The following OTC variants were observed in gnomAD, a reference collection of about 807,000 sequenced individuals.
The protein encoded by OTC is ornithine transcarbamylase.
In OTC, 3 loss-of-function variants were observed where a neutral mutation model predicts 30.3. That is an observed-to-expected ratio of 0.10 (90% CI 0.05 to 0.26). The LOEUF is 0.26. OTC is among the 10% of genes least tolerant of loss of function. The probability of loss-of-function intolerance (pLI) is 1.00; values close to 1 mark genes in which losing one functional copy is unlikely to be tolerated. For missense variants in OTC, 194 were observed against 260.3 expected (o/e 0.75, Z 1.75); for synonymous variants, 111 against 99.7 (o/e 1.11, Z -0.67).
At chrX:38,408,657 C>T (rs1181116146) in intron 6 of OTC, 85 bp from the exon 7 acceptor site, 25 of 617,717 alleles carry the variant, frequency 4.0e-5, no homozygotes, top group African/African-American at 2.1e-4. Context: ...GAAGGAGACG[C>T]GATATTGAAA....
intron 4 of OTC, among the ~76,000 whole-genome samples, chrX:38,385,779 T>G (rs2068399640): frequency 8.9e-6 from 1 of 111,886 alleles, no homozygotes; most frequent in Non-Finnish European, 1.9e-5. Context: ...CAAAATCCAA[T>G]GTATTGTACA....
At chrX:38,332,502 T>TCATATATATATATATATA in the OTC span, among the ~76,000 whole-genome samples, 1 of 16,436 alleles carries the variant, frequency 6.1e-5, no homozygotes, top group African/African-American at 2.7e-4. Context: ...TAGCCCTAGA[T>TCATATATATATATATATA]TTTATATATA....
chrX:38,392,411 C>T (rs1405585837), intron 4 of OTC, among the ~76,000 whole-genome samples: 1 of 111,747 alleles, frequency 8.9e-6, no homozygotes, highest in East Asian at 2.8e-4. Flanking sequence ...AAAGCTCTTA[C>T]AATGTTTAAA....
chrX:38,419,484 T>C (rs200458184), intron 9 of OTC, among the ~76,000 whole-genome samples: 2 of 112,203 alleles, frequency 1.8e-5, no homozygotes, highest in East Asian at 5.5e-4. Flanking sequence ...TCATTCCATT[T>C]ATTTGTGTCT....
the OTC span, among the ~76,000 whole-genome samples, chrX:38,336,386 A>C: frequency 9.2e-6 from 1 of 108,772 alleles, no homozygotes; most frequent in Non-Finnish European, 1.9e-5. Flanking sequence ...GGCCAAACCC[A>C]ACCAGAAGCT....
chrX:38,383,292 T>A (rs752692260), intron 4 of OTC, among the ~76,000 whole-genome samples: 160 of 112,117 alleles, frequency 1.4e-3, no homozygotes, highest in African/African-American at 4.8e-3. Context: ...TGTGCTATTA[T>A]CTCTAAATCT....
At chrX:38,369,947 C>T (rs2068315930) in intron 3 of OTC, 70 bp downstream of exon 3, 2 of 717,020 alleles carry the variant, frequency 2.8e-6, no homozygotes, top group Admixed American at 4.7e-5. Context: ...GGAGGGGTAA[C>T]CCAGTGCGGG....
intron 4 of OTC, among the ~76,000 whole-genome samples, chrX:38,395,051 C>T (rs939461186): frequency 3.8e-4 from 42 of 111,108 alleles, no homozygotes; most frequent in African/African-American, 1.2e-3. Context: ...TGGCTCACTG[C>T]AATCTCCACC....
At chrX:38,403,771 C>T in intron 6 of OTC, 31 bp downstream of exon 6, 1 of 1,199,757 alleles carries the variant, frequency 8.3e-7, no homozygotes, top group Non-Finnish European at 1.1e-6. Context: ...GAAACTAACC[C>T]CTCTCTTAAA....
At chrX:38,351,754 T>TTTTC (rs774295411), upstream of OTC, among the ~76,000 whole-genome samples, 6 of 111,381 alleles carry the variant, frequency 5.4e-5, no homozygotes, top group Admixed American at 9.5e-5. Flanking sequence ...TTTCTTTTCT[T>TTTTC]TTTCTTTCTT....
chrX:38,416,279 C>T (rs1488433480), intron 9 of OTC, among the ~76,000 whole-genome samples: 1 of 111,429 alleles, frequency 9.0e-6, no homozygotes, highest in Non-Finnish European at 1.9e-5. Context: ...CTGTTCAGAA[C>T]GCTTCACTAA....
intron 4 of OTC, among the ~76,000 whole-genome samples, chrX:38,396,288 A>G (rs866697785): frequency 1.7e-4 from 19 of 111,042 alleles, no homozygotes; most frequent in Admixed American, 1.1e-3. Context: ...AAAGAAATTT[A>G]GAAGATTTAA....
chrX:38,418,014 T>A (rs1298501639), intron 9 of OTC, among the ~76,000 whole-genome samples: 2 of 111,999 alleles, frequency 1.8e-5, no homozygotes, highest in African/African-American at 6.5e-5. Flanking sequence ...GAAATGGGAC[T>A]GCTGGATCAT....
At chrX:38,395,567 A>T (rs5917592) in intron 4 of OTC, 36,137 of 141,193 alleles carry the variant, frequency 0.26, 3,959 homozygotes, top group African/African-American at 0.41. Flanking sequence ...CAGCCAGATG[A>T]CATGGTGCAC....
chrX:38,373,430 TCTC>T (rs1251539927), intron 3 of OTC, among the ~76,000 whole-genome samples: 1 of 112,759 alleles, frequency 8.9e-6, no homozygotes, highest in East Asian at 2.8e-4. Flanking sequence ...ACCAGACAAT[TCTC>T]CTATGAGTCT....
intron 9 of OTC, among the ~76,000 whole-genome samples, chrX:38,413,260 C>T (rs772948772): frequency 2.0e-4 from 22 of 111,918 alleles, no homozygotes; most frequent in African/African-American, 7.1e-4. Context: ...ATGTGTAAAG[C>T]TTTTAGTATA....
intron 9 of OTC, among the ~76,000 whole-genome samples, chrX:38,416,221 C>T (rs963470081): frequency 2.7e-5 from 3 of 111,830 alleles, no homozygotes; most frequent in Non-Finnish European, 5.6e-5. Context: ...TCTTTCAGCA[C>T]TCAGAGTAGC....
chrX:38,353,203 G>T lies in OTC; in HGVS notation c.77+430G>T, dbSNP rs576052751. Among the ~76,000 whole-genome samples, 29 of 112,278 alleles carry T rather than the reference G, an allele frequency of 2.6e-4. 2 individuals carry two copies. In the South Asian group the frequency reaches 0.011, roughly 41 times the overall value. ...ACTAATAAATACTGACAAAGCTGCT[G>T]CAAAGACGCCTTATATGTGATGGGG... On this transcript the variant is annotated intron_variant, in intron 1 of 9. Coordinates refer to ENST00000039007, the MANE Select transcript of OTC (RefSeq NM_000531.6).
chrX:38,354,016 G>A (rs769675569), intron 1 of OTC, among the ~76,000 whole-genome samples: 1 of 111,825 alleles, frequency 8.9e-6, no homozygotes, highest in Non-Finnish European at 1.9e-5. Context: ...CACCCTTGCT[G>A]GCTATATGAC....
Sources: allele counts gnomAD v4.1 joint callset (sites outside exome capture counted in the v4.1 genomes callset), GRCh38; gene constraint gnomAD v4.1.1; transcripts MANE v1.5; gene names NCBI Gene and HGNC (gene_info 2026-07-23, HGNC 2026-07-21).